Variants in KLHDC2 observed in about 807,000 individuals in gnomAD.
KLHDC2 encodes the protein kelch domain-containing protein 2.
Under a neutral mutation model 62.3 loss-of-function variants are expected in KLHDC2, and 38 were observed. The ratio of observed to expected loss-of-function variants is 0.61; its 90% CI spans 0.47 to 0.80. The LOEUF (loss-of-function observed/expected upper bound fraction) is 0.80. Among genes scored for constraint, KLHDC2 ranks in the 30% least tolerant of loss-of-function variants. The pLI, the probability that KLHDC2 is intolerant of heterozygous loss-of-function variation, is 0.00. For synonymous variants in KLHDC2, 159 were observed against 161.0 expected (o/e 0.99, Z 0.09); for missense variants, 430 against 495.3 (o/e 0.87, Z 1.25).
chr14:49,782,594 G>T lies in KLHDC2; in HGVS notation c.1097G>T (p.Arg366Leu). The stretch of plus-strand genomic sequence containing the variant: ...TCAGTTCAACCAAAATCTCTTGTAC[G>T]GTAAGTAACTTTGTACTTGGCACTT... ...IFSVQPKSLV[R>L]LSLEAVICFK... Residue 366 changes from arginine (R) to leucine (L), a missense_variant and splice_region_variant, in exon 12 of 13, where the codon CGG becomes CTG. Arg to Leu is a moderately radical substitution (Grantham distance 102). Transcript: ENST00000298307. The T allele has an allele frequency of 1.3e-6, 2 of 1,599,162 alleles. No homozygotes were observed. The highest frequency in any genetic ancestry group is 1.1e-5 in the South Asian group (1 of 89,626).
At position 49,785,491 on chromosome 14, in the gene KLHDC2, G is replaced by C; in HGVS notation, c.*2538G>C. 1 of 581,528 alleles carries C rather than the reference G, an allele frequency of 1.7e-6. No homozygotes were observed. Among genetic ancestry groups the C allele is most frequent in the South Asian group, 2.0e-5 (1 of 48,792 alleles). 36.0% of individuals were successfully genotyped at this position (581,528 alleles called of 1,614,324 possible). A position where few individuals can be genotyped will look rare whatever the true frequency, so the allele number is the denominator to read the frequency against. On this transcript the variant is annotated 3_prime_UTR_variant, in exon 13 of 13. Transcript: ENST00000298307. ...TGCTTCATAGTTCCAAAGAGTTGAA[G>C]ACCAATGTTTAAATATATTCTTTAC... is the stretch of plus-strand genomic sequence containing the variant.
chr14:49,778,554 G>A, intron 6 of KLHDC2, 60 bp downstream of exon 6: 4 of 654,952 alleles, frequency 6.1e-6, no homozygotes, highest in South Asian at 1.9e-5. Flanking sequence ...GGAGGGGTGG[G>A]GTAGGGGAGA....
At position 49,785,778 on chromosome 14, in the gene KLHDC2, G is replaced by A. The variant is rs4592567; in HGVS notation, c.*2825G>A. ...TGGGTGCCTGTAGTCCCAGCTACTCGGAAGACTGAGGGGGGGAGGATCACC... is the reference window on the plus strand; with the variant it reads ...TGGGTGCCTGTAGTCCCAGCTACTCAGAAGACTGAGGGGGGGAGGATCACC... On this transcript the variant is annotated 3_prime_UTR_variant, in exon 13 of 13. Transcript: ENST00000298307. 154,909 of 159,832 alleles carry A rather than the reference G, an allele frequency of 0.97. 75,280 individuals are homozygous for A. The highest frequency in any genetic ancestry group is 1 in the East Asian group (5,558 of 5,558). 9.9% of individuals were successfully genotyped at this position (159,832 alleles called of 1,614,324 possible). A position where few individuals can be genotyped will look rare whatever the true frequency, so the allele number is the denominator to read the frequency against.
Position 49,780,776 on chromosome 14 carries a change from GTA to G in KLHDC2, c.956+3_956+4del. 6.6e-7 allele frequency: 1 copy of G among 1,518,396 alleles called. No homozygotes were observed. Among genetic ancestry groups the G allele is most frequent in the Non-Finnish European group, 9.1e-7 (1 of 1,092,984 alleles). 94.1% of individuals were successfully genotyped at this position (1,518,396 alleles called of 1,614,324 possible). On this transcript the variant is annotated splice_donor_variant and splice_donor_region_variant and intron_variant, in intron 10 of 12. Coordinates refer to ENST00000298307, the MANE Select transcript of KLHDC2 (RefSeq NM_014315.3). LOFTEE classifies it high-confidence loss of function. The stretch of plus-strand genomic sequence containing the variant: ...ATCATCCATATACCGAAAAACCAAG[GTA>G]TTTAAAAGCAATTCATATACTGAAT...
At chr14:49,771,138 T>C (rs183942329) in intron 1 of KLHDC2, among the ~76,000 whole-genome samples, 1 of 151,752 alleles carries the variant, frequency 6.6e-6, no homozygotes, top group Non-Finnish European at 1.5e-5. Context: ...TGCTTGAGGT[T>C]GGGAGTTTGA....
chr14:49,768,196 C>T lies in KLHDC2; in HGVS notation c.-273C>T, dbSNP rs1360329455. On this transcript the variant is annotated 5_prime_UTR_variant, in exon 1 of 13. Coordinates refer to ENST00000298307, the MANE Select transcript of KLHDC2 (RefSeq NM_014315.3). ...AGCCGGCCCGACGCGGACCGCTTCC[C>T]TGCAGTGCCCCGAGTCCCGGGCCCG... The T allele has an allele frequency of 3.3e-6, 1 of 303,274 alleles. No homozygotes were observed. The highest frequency in any genetic ancestry group is 2.2e-5 in the African/African-American group (1 of 45,466). The allele number at this position is 303,274 out of a possible 1,614,324, so 18.8% of individuals were successfully genotyped here.
At chr14:49,773,201 C>T (rs1205425144) in intron 2 of KLHDC2, among the ~76,000 whole-genome samples, 2 of 151,772 alleles carry the variant, frequency 1.3e-5, no homozygotes, top group Non-Finnish European at 2.9e-5. Flanking sequence ...ATCATGAGGT[C>T]AGGAGATCCA....
intron 10 of KLHDC2, among the ~76,000 whole-genome samples, chr14:49,781,735 T>C (rs1480232421): frequency 7.9e-5 from 12 of 151,098 alleles, no homozygotes; most frequent in African/African-American, 2.9e-4. Flanking sequence ...AAACAAGAAC[T>C]GTCAATTAGA....
chr14:49,771,848 TA>T (rs1157635208), intron 2 of KLHDC2, among the ~76,000 whole-genome samples, 175 bp downstream of exon 2: 1 of 152,004 alleles, frequency 6.6e-6, no homozygotes, highest in Non-Finnish European at 1.5e-5. Context: ...ATACAAAAAT[TA>T]GCCAGGCATG....
chr14:49,773,735 C>A (rs889884417), intron 2 of KLHDC2, among the ~76,000 whole-genome samples: 2 of 151,660 alleles, frequency 1.3e-5, no homozygotes, highest in African/African-American at 2.4e-5. Flanking sequence ...CGCCACCACG[C>A]CTGGCTAATT....
At position 49,784,680 on chromosome 14, in the gene KLHDC2, CT is replaced by C. The variant is rs1890074901; in HGVS notation, c.*1730del. The C allele has an allele frequency of 1.2e-6, 2 of 1,612,884 alleles. No individual in the cohort carries two copies. Among genetic ancestry groups the C allele is most frequent in the Non-Finnish European group, 8.5e-7 (1 of 1,179,262 alleles). On this transcript the variant is annotated 3_prime_UTR_variant, in exon 13 of 13. Coordinates refer to ENST00000298307, the MANE Select transcript of KLHDC2 (RefSeq NM_014315.3). ...AGAAGATTGGGTGCAGACACTTTCA[CT>C]TTGCCAGGAATGTTTCTTGATAAAT...
chr14:49,776,638 G>A (rs1453823813), intron 3 of KLHDC2, among the ~76,000 whole-genome samples: 4 of 151,952 alleles, frequency 2.6e-5, no homozygotes, highest in Non-Finnish European at 5.9e-5. Flanking sequence ...AAATATCAGG[G>A]CTGGGTGTGG....
At chr14:49,781,450 TGGGATTAC>T (rs890789892) in intron 10 of KLHDC2, among the ~76,000 whole-genome samples, 6 of 150,508 alleles carry the variant, frequency 4.0e-5, no homozygotes, top group African/African-American at 1.5e-4. Flanking sequence ...CGAGGTACAG[TGGGATTAC>T]AGGATTACAG....
intron 1 of KLHDC2, among the ~76,000 whole-genome samples, chr14:49,770,153 T>G (rs1216964068): frequency 2.0e-5 from 3 of 152,138 alleles, no homozygotes; most frequent in Non-Finnish European, 4.4e-5. Context: ...TGTGGAATAT[T>G]TCTTGTGGAT....
rs78393512 is a variant in KLHDC2, at chr14:49,776,385, A to C, written c.352-1454A>C. On this transcript the variant is annotated intron_variant, in intron 3 of 12. Coordinates refer to ENST00000298307, the MANE Select transcript of KLHDC2 (RefSeq NM_014315.3). Reference sequence around the variant, plus strand: ...GGAAGCTTGAGTGTCTCAGAGAAGTAAAAAATATATAGTGGTCAGATATAT... The same window carrying C: ...GGAAGCTTGAGTGTCTCAGAGAAGTCAAAAATATATAGTGGTCAGATATAT... 6.6e-3 allele frequency among the ~76,000 whole-genome samples: 1,011 copies of C among 152,280 alleles called. 6 individuals carry two copies. Among genetic ancestry groups the C allele is most frequent in the Admixed American group, 0.012 (184 of 15,296 alleles).
chr14:49,780,226 A>G lies in KLHDC2; in HGVS notation c.787A>G (p.Ile263Val), dbSNP rs762974873. ...WEWNELIPQG[I>V]CPVGRSWHSL... ...TATTATTTTCAGAATTCCACAAGGC[A>G]TATGCCCAGTTGGTCGATCTTGGCA... Residue 263 changes from isoleucine (I) to valine (V), a missense_variant, in exon 9 of 13, where the codon ATA (isoleucine) becomes GTA (valine). Ile to Val is a conservative substitution (Grantham distance 29). Coordinates refer to ENST00000298307, the MANE Select transcript of KLHDC2 (RefSeq NM_014315.3). 10 of 1,607,146 alleles carry G rather than the reference A, an allele frequency of 6.2e-6. No individual in the cohort carries two copies. Among genetic ancestry groups the G allele is most frequent in the Non-Finnish European group, 7.7e-6 (9 of 1,173,688 alleles).
chr14:49,769,112 C>T (rs917262172), intron 1 of KLHDC2: 3 of 153,098 alleles, frequency 2.0e-5, no homozygotes, highest in Non-Finnish European at 4.4e-5. Flanking sequence ...CCACCTTATT[C>T]AGCCTTCCCG....
rs1889985580 is a variant in KLHDC2 at position 49,783,036 on chromosome 14, T to C, written c.*83T>C. Reference sequence around the variant, plus strand: ...CAGAGTGGCATCATTTGTATAATTATATGCATTGTTGTAGTTTGCACCTGT... The same window carrying C: ...CAGAGTGGCATCATTTGTATAATTACATGCATTGTTGTAGTTTGCACCTGT... On this transcript the variant is annotated 3_prime_UTR_variant, in exon 13 of 13. Transcript: ENST00000298307. 6 of 1,434,188 alleles carry C rather than the reference T, an allele frequency of 4.2e-6. No homozygotes were observed. The highest frequency in any genetic ancestry group is 1.9e-6 in the Non-Finnish European group (2 of 1,050,532). The allele number at this position is 1,434,188 out of a possible 1,614,324, so 88.8% of individuals were successfully genotyped here. A position where few individuals can be genotyped will look rare whatever the true frequency, so the allele number is the denominator to read the frequency against.
At chr14:49,775,278 G>A (rs1486858600) in intron 3 of KLHDC2, among the ~76,000 whole-genome samples, 2 of 152,190 alleles carry the variant, frequency 1.3e-5, no homozygotes, top group African/African-American at 4.8e-5. Flanking sequence ...ATCCATAGGA[G>A]TCTATTAAGT....
Sources: gnomAD v4.1 joint callset for allele counts (sites outside exome capture counted in the v4.1 genomes callset) on GRCh38, gnomAD v4.1.1 for gene constraint, MANE v1.5 for transcripts, NCBI Gene and HGNC (gene_info 2026-07-23, HGNC 2026-07-21) for gene names.